Variants in DPP10 observed in about 807,000 individuals in gnomAD.
The protein encoded by DPP10 is inactive dipeptidyl peptidase 10.
DPP10 carries 33 observed loss-of-function variants against 120.9 expected under a neutral mutation model. That is an observed-to-expected ratio of 0.27 (90% confidence interval 0.21 to 0.37). The LOEUF (loss-of-function observed/expected upper bound fraction) is 0.37. Ranked by LOEUF, DPP10 falls within the 10% of genes least tolerant of loss-of-function variation. The pLI is 1.00. For missense variants in DPP10, 816 were observed against 942.8 expected (o/e 0.87, Z 1.76); for synonymous variants, 337 against 326.1 (o/e 1.03, Z -0.36).
intron 1 of DPP10, among the ~76,000 whole-genome samples, chr2:115,153,750 T>C (rs193124487): frequency 1.2e-4 from 19 of 152,314 alleles, no homozygotes; most frequent in African/African-American, 2.6e-4. Flanking sequence ...AAAATACTTA[T>C]ATTTTTCCCT....
chr2:115,291,772 T>C (rs934132386), intron 1 of DPP10, among the ~76,000 whole-genome samples: 3 of 152,142 alleles, frequency 2.0e-5, no homozygotes, highest in Admixed American at 1.3e-4. Context: ...AGATCCTTAT[T>C]GTAGACTCAT....
At chr2:115,374,904 T>G (rs1025749833) in intron 3 of DPP10, among the ~76,000 whole-genome samples, 1 of 152,192 alleles carries the variant, frequency 6.6e-6, no homozygotes, top group Admixed American at 6.5e-5. Flanking sequence ...AGGAAACAAA[T>G]TTTTACCTGC....
intron 1 of DPP10, among the ~76,000 whole-genome samples, chr2:115,301,597 A>T (rs574803968): frequency 6.6e-6 from 1 of 151,930 alleles, no homozygotes; most frequent in African/African-American, 2.4e-5. Context: ...TTGGTTGGAA[A>T]GCAGTGAATT....
chr2:114,785,392 A>G (rs1288835393), intron 1 of DPP10, among the ~76,000 whole-genome samples: 1 of 152,056 alleles, frequency 6.6e-6, no homozygotes, highest in African/African-American at 2.4e-5. Context: ...CCTGTGACCA[A>G]TTCTGCTGTC....
intron 5 of DPP10, chr2:115,526,175 C>T (rs564589648): frequency 4.1e-6 from 2 of 486,538 alleles, no homozygotes; most frequent in African/African-American, 2.0e-5. Context: ...ATAATTGGGA[C>T]AGTTTGCCCA....
At chr2:115,784,536 T>G (rs1683121386) in intron 17 of DPP10, among the ~76,000 whole-genome samples, 1 of 152,128 alleles carries the variant, frequency 6.6e-6, no homozygotes. Context: ...CAAAACTTAT[T>G]TCTTTTGTTT....
chr2:114,772,673 T>C (rs1399834907), intron 1 of DPP10, among the ~76,000 whole-genome samples: 10 of 152,104 alleles, frequency 6.6e-5, no homozygotes, highest in Admixed American at 6.6e-4. Context: ...TTTTTTTTTT[T>C]TCAGCTAAAG....
intron 1 of DPP10, among the ~76,000 whole-genome samples, chr2:115,295,747 A>G (rs1299863468): frequency 6.6e-6 from 1 of 151,970 alleles, no homozygotes; most frequent in African/African-American, 2.4e-5. Flanking sequence ...TTGATGTCTT[A>G]GCTGTAGCTG....
At chr2:115,608,102 T>A (rs1052426434) in intron 5 of DPP10, among the ~76,000 whole-genome samples, 3 of 152,096 alleles carry the variant, frequency 2.0e-5, no homozygotes, top group African/African-American at 7.2e-5. Flanking sequence ...TAAATCCTTA[T>A]TCTGGCTGGG....
chr2:114,945,926 G>A (rs1364113786), intron 1 of DPP10, among the ~76,000 whole-genome samples: 3 of 152,134 alleles, frequency 2.0e-5, no homozygotes, highest in Non-Finnish European at 4.4e-5. Flanking sequence ...ATGTCATATT[G>A]ATAACATGTA....
At chr2:115,113,421 T>G (rs1262481597) in intron 1 of DPP10, among the ~76,000 whole-genome samples, 1 of 87,116 alleles carries the variant, frequency 1.1e-5, no homozygotes, top group Non-Finnish European at 2.9e-5. Flanking sequence ...AAGTATATCT[T>G]AGACACGTTT....
intron 1 of DPP10, chr2:115,162,224 C>G (rs756659116): frequency 3.2e-6 from 5 of 1,559,246 alleles, no homozygotes; most frequent in Admixed American, 3.9e-5. Flanking sequence ...CTCCGGGGCC[C>G]GGCGAGAGGA....
rs557547041 is a variant in DPP10, at chr2:114,465,037, A to G, written c.60+22199A>G. ...TCTCTAACCATCTTAACACCTGAGC[A>G]TGCCCAGGACTGGAGGGGAACTATT... is the stretch of plus-strand genomic sequence containing the variant. On this transcript the variant is annotated intron_variant, in intron 1 of 25. Coordinates refer to ENST00000410059, the MANE Select transcript of DPP10 (RefSeq NM_020868.6). Among the ~76,000 whole-genome samples, 4 of 152,318 alleles carry G rather than the reference A, an allele frequency of 2.6e-5. No individual in the cohort carries two copies. In the East Asian group the frequency reaches 7.7e-4, roughly 29 times the overall value.
At position 114,951,904 on chromosome 2, in the gene DPP10, G is replaced by A. The variant is rs545815981; in HGVS notation, c.61-357335G>A. Among the ~76,000 whole-genome samples, 19 of 151,836 alleles carry A rather than the reference G, an allele frequency of 1.3e-4. No individual in the cohort carries two copies. In the East Asian group the frequency reaches 3.3e-3, roughly 26 times the overall value. On this transcript the variant is annotated intron_variant, in intron 1 of 25. Transcript: ENST00000410059. ...CCCTAATACACTTACAGTCATTTAC[G>A]AGTTTAATATATCTTGTGAATAAAT...
intron 5 of DPP10, among the ~76,000 whole-genome samples, chr2:115,673,003 C>A (rs1223680303): frequency 6.6e-6 from 1 of 152,048 alleles, no homozygotes; most frequent in Admixed American, 6.6e-5. Context: ...CCTGTCTTGG[C>A]CTCCCAAAGT....
At chr2:115,285,538 C>A (rs569488996) in intron 1 of DPP10, among the ~76,000 whole-genome samples, 1 of 152,166 alleles carries the variant, frequency 6.6e-6, no homozygotes, top group Admixed American at 6.6e-5. Flanking sequence ...AGAGAAAAGG[C>A]AACCCATTGT....
chr2:115,684,414 T>TTGGAA lies in DPP10; in HGVS notation c.442-5273_442-5272insTGGAA, dbSNP rs558537407. ...TATCCTAGAACAAACTTGGCATCAT[T>TTGGAA]GTATTACTGACTTCCAAGAGAAACC... On this transcript the variant is annotated intron_variant, in intron 5 of 25. Transcript: ENST00000410059. Among the ~76,000 whole-genome samples the TTGGAA allele has an allele frequency of 2.8e-4, 43 of 151,968 alleles. 2 individuals are homozygous for TTGGAA. In the East Asian group the frequency reaches 8.3e-3, roughly 29 times the overall value.
At chr2:115,816,567 A>T (rs904092537) in intron 21 of DPP10, among the ~76,000 whole-genome samples, 10 of 152,032 alleles carry the variant, frequency 6.6e-5, no homozygotes, top group Admixed American at 6.5e-4. Flanking sequence ...GTGGGAAAAT[A>T]GACCTCATAT....
At chr2:115,447,088 T>A (rs1292475650) in intron 3 of DPP10, among the ~76,000 whole-genome samples, 1 of 152,154 alleles carries the variant, frequency 6.6e-6, no homozygotes, top group African/African-American at 2.4e-5. Context: ...GTGGTGGATC[T>A]GCCCAAGGCC....
Sources: gnomAD v4.1 joint callset for allele counts (sites outside exome capture counted in the v4.1 genomes callset) on GRCh38, gnomAD v4.1.1 for gene constraint, MANE v1.5 for transcripts, NCBI Gene and HGNC (gene_info 2026-07-23, HGNC 2026-07-21) for gene names.